Variants in RPSA2 observed in about 807,000 individuals in gnomAD.
RPSA2 encodes the protein small ribosomal subunit protein uS2B.
chr19:23,773,259 G>A, the RPSA2 span, among the ~76,000 whole-genome samples: 1 of 113,580 alleles, frequency 8.8e-6, no homozygotes, highest in Non-Finnish European at 1.8e-5. Context: ...ACCACGCCTG[G>A]CTAATTTGAT....
the RPSA2 span, among the ~76,000 whole-genome samples, chr19:23,847,236 C>A: frequency 3.4e-4 from 51 of 151,180 alleles, no homozygotes; most frequent in Non-Finnish European, 5.7e-4. Context: ...GGATGTCTAT[C>A]TCCTTGGCAC....
chr19:23,766,298 AT>A, the RPSA2 span, among the ~76,000 whole-genome samples: 1 of 151,032 alleles, frequency 6.6e-6, no homozygotes, highest in African/African-American at 2.4e-5. Flanking sequence ...GATTATAGGC[AT>A]GAGCCACTGT....
At chr19:23,809,287 A>G in the RPSA2 span, 1 of 152,360 alleles carries the variant, frequency 6.6e-6, no homozygotes, top group Non-Finnish European at 1.5e-5. Context: ...ATAGTTTGAA[A>G]TTATAAAGTA....
the RPSA2 span, among the ~76,000 whole-genome samples, chr19:23,772,546 C>CT: frequency 0.99 from 150,842 of 152,266 alleles, 74,733 homozygotes; most frequent in Middle Eastern, 1. Flanking sequence ...CATCCTTGGT[C>CT]TCTCTTTTTA....
At chr19:23,771,583 A>G in the RPSA2 span, among the ~76,000 whole-genome samples, 1 of 149,714 alleles carries the variant, frequency 6.7e-6, no homozygotes, top group South Asian at 2.1e-4. Flanking sequence ...CAGTGTACAG[A>G]CGGGGTTGTG....
the RPSA2 span, among the ~76,000 whole-genome samples, chr19:23,802,733 T>C: frequency 5.9e-5 from 9 of 152,128 alleles, no homozygotes; most frequent in Admixed American, 2.0e-4. Flanking sequence ...ATTAGAAAAA[T>C]AGATGAAGCA....
the RPSA2 span, among the ~76,000 whole-genome samples, chr19:23,800,380 G>T: frequency 6.6e-6 from 1 of 151,686 alleles, no homozygotes; most frequent in Admixed American, 6.6e-5. Context: ...GGGCTGAAGA[G>T]AATTTTTTTA....
At chr19:23,820,216 C>A in the RPSA2 span, among the ~76,000 whole-genome samples, 1 of 152,164 alleles carries the variant, frequency 6.6e-6, no homozygotes, top group Non-Finnish European at 1.5e-5. Flanking sequence ...AGGCATTGTT[C>A]ACAAATGGCT....
the RPSA2 span, chr19:23,832,807 T>C: frequency 1.9e-6 from 3 of 1,577,304 alleles, no homozygotes; most frequent in East Asian, 7.0e-5. Flanking sequence ...ACCCTACAAA[T>C]GTGAAGAATG....
At chr19:23,857,487 T>C in the RPSA2 span, among the ~76,000 whole-genome samples, 2 of 103,382 alleles carry the variant, frequency 1.9e-5, no homozygotes, top group Admixed American at 2.0e-4. Flanking sequence ...TTTAAAGTCT[T>C]TTTTTTTTTT....
At chr19:23,843,244 A>G in the RPSA2 span, 1 of 256,470 alleles carries the variant, frequency 3.9e-6, no homozygotes, top group South Asian at 4.4e-5. Context: ...CCTGGTATGT[A>G]AAGAGACATG....
At chr19:23,830,660 G>T in the RPSA2 span, among the ~76,000 whole-genome samples, 2 of 149,478 alleles carry the variant, frequency 1.3e-5, no homozygotes, top group African/African-American at 2.5e-5. Flanking sequence ...AAATATTTTT[G>T]TTCTTGTCCT....
the RPSA2 span, among the ~76,000 whole-genome samples, chr19:23,867,717 C>T: frequency 3.9e-4 from 59 of 151,690 alleles, no homozygotes; most frequent in Non-Finnish European, 6.6e-4. Context: ...GTAGTCCCAG[C>T]TACTCGGAAG....
chr19:23,769,883 C>T, the RPSA2 span, among the ~76,000 whole-genome samples: 145 of 152,278 alleles, frequency 9.5e-4, 1 homozygote, highest in African/African-American at 3.3e-3. Flanking sequence ...GCAAGGGCCC[C>T]GCCCACAGAA....
the RPSA2 span, chr19:23,827,191 G>T: frequency 0.37 from 364,296 of 977,594 alleles, 68,717 homozygotes; most frequent in East Asian, 0.54. Context: ...TCCTGCAAAT[G>T]AAGGAGGAGG....
the RPSA2 span, among the ~76,000 whole-genome samples, chr19:23,871,082 C>T: frequency 1.3e-5 from 2 of 152,146 alleles, no homozygotes; most frequent in Non-Finnish European, 2.9e-5. Context: ...CTCCTTTACT[C>T]AATAAATATA....
At chr19:23,820,003 A>G in the RPSA2 span, among the ~76,000 whole-genome samples, 5 of 152,214 alleles carry the variant, frequency 3.3e-5, no homozygotes, top group Non-Finnish European at 1.5e-5. Context: ...TCTTAACAGT[A>G]CTTTAGTTAC....
the RPSA2 span, among the ~76,000 whole-genome samples, chr19:23,863,858 T>A: frequency 6.6e-6 from 1 of 152,178 alleles, no homozygotes; most frequent in African/African-American, 2.4e-5. Context: ...CTTATCATAA[T>A]ACAAAACAAA....
the RPSA2 span, among the ~76,000 whole-genome samples, chr19:23,765,458 A>T: frequency 0.022 from 9 of 408 alleles, no homozygotes; most frequent in Admixed American, 0.3. Flanking sequence ...GTGCATCTAT[A>T]AAAAAAAAAT....
Sources: gnomAD v4.1 joint callset for allele counts (sites outside exome capture counted in the v4.1 genomes callset) on GRCh38, gnomAD v4.1.1 for gene constraint, MANE v1.5 for transcripts, NCBI Gene and HGNC (gene_info 2026-07-23, HGNC 2026-07-21) for gene names.